CPA6: variants seen among roughly 807,000 people sequenced by gnomAD.
CPA6 encodes the protein carboxypeptidase B.
CPA6 carries 58 observed loss-of-function variants against 63.3 expected under a neutral mutation model. The observed-to-expected ratio is 0.92, with a 90% CI of 0.74 to 1.14. The LOEUF (loss-of-function observed/expected upper bound fraction) is 1.14. CPA6 is among the 50% of genes most tolerant of loss of function. The pLI, the probability that CPA6 is intolerant of heterozygous loss-of-function variation, is 0.00. For missense variants in CPA6, 565 were observed against 526.6 expected (o/e 1.07, Z -0.71); for synonymous variants, 185 against 179.0 (o/e 1.03, Z -0.27).
chr8:67,486,787 CAA>C (rs1811487239), intron 6 of CPA6, among the ~76,000 whole-genome samples: 1 of 152,044 alleles, frequency 6.6e-6, no homozygotes, highest in Admixed American at 6.5e-5. Context: ...AAATATAAAA[CAA>C]AGATACACTA....
intron 1 of CPA6, among the ~76,000 whole-genome samples, chr8:67,739,445 C>T (rs1289114073): frequency 1.3e-5 from 2 of 152,214 alleles, no homozygotes; most frequent in Non-Finnish European, 2.9e-5. Context: ...CCATTAACTA[C>T]ACACTAACTT....
At chr8:67,568,402 T>A (rs1437771212) in intron 2 of CPA6, among the ~76,000 whole-genome samples, 1 of 151,948 alleles carries the variant, frequency 6.6e-6, no homozygotes, top group African/African-American at 2.4e-5. Flanking sequence ...AATATACAGA[T>A]AAAAAATTAA....
At chr8:67,741,124 G>T (rs942331350) in intron 1 of CPA6, among the ~76,000 whole-genome samples, 1 of 152,104 alleles carries the variant, frequency 6.6e-6, no homozygotes, top group Non-Finnish European at 1.5e-5. Context: ...AAGAAGAAGG[G>T]GGAAGAAACT....
chr8:67,609,909 C>T (rs1814759202), intron 2 of CPA6, among the ~76,000 whole-genome samples: 4 of 152,172 alleles, frequency 2.6e-5, no homozygotes, highest in Non-Finnish European at 4.4e-5. Context: ...GTAATCCCAG[C>T]TACTTGGGAG....
intron 2 of CPA6, among the ~76,000 whole-genome samples, chr8:67,559,295 G>T (rs2128974175): frequency 6.6e-6 from 1 of 152,118 alleles, no homozygotes; most frequent in Middle Eastern, 3.4e-3. Context: ...GATTTTCCAG[G>T]GATAGATTAA....
intron 2 of CPA6, among the ~76,000 whole-genome samples, chr8:67,547,615 C>T (rs1187517457): frequency 1.3e-5 from 2 of 151,914 alleles, no homozygotes; most frequent in Admixed American, 6.6e-5. Flanking sequence ...CCACCTCAGC[C>T]TCTGGAGTAG....
chr8:67,593,193 T>C (rs1331027917), intron 2 of CPA6, among the ~76,000 whole-genome samples: 4 of 150,812 alleles, frequency 2.7e-5, no homozygotes, highest in African/African-American at 9.8e-5. Context: ...AGTTGAGCGG[T>C]TTTGAGTGAG....
At chr8:67,642,617 G>C (rs1454352975) in intron 1 of CPA6, among the ~76,000 whole-genome samples, 1 of 152,158 alleles carries the variant, frequency 6.6e-6, no homozygotes, top group Non-Finnish European at 1.5e-5. Context: ...AATTAGGACT[G>C]TGGAACTGGC....
chr8:67,464,011 T>C (rs185843245), intron 8 of CPA6, among the ~76,000 whole-genome samples: 1 of 152,302 alleles, frequency 6.6e-6, no homozygotes, highest in Admixed American at 6.5e-5. Flanking sequence ...TAAAACCATT[T>C]GTTTTCTTTT....
chr8:67,715,586 A>G (rs1019806917), intron 1 of CPA6, among the ~76,000 whole-genome samples: 5 of 152,256 alleles, frequency 3.3e-5, no homozygotes, highest in Non-Finnish European at 4.4e-5. Flanking sequence ...ACAAGGAAAA[A>G]CACTCGGTTA....
intron 8 of CPA6, among the ~76,000 whole-genome samples, chr8:67,434,907 G>C (rs1810114177): frequency 6.6e-6 from 1 of 152,226 alleles, no homozygotes; most frequent in African/African-American, 2.4e-5. Context: ...ACAGATCCTG[G>C]CCTGAGGGGT....
intron 1 of CPA6, among the ~76,000 whole-genome samples, chr8:67,651,579 A>G (rs1403012116): frequency 6.6e-6 from 1 of 152,090 alleles, no homozygotes; most frequent in Non-Finnish European, 1.5e-5. Flanking sequence ...TGAATCATGT[A>G]TTCACAAGAA....
intron 1 of CPA6, among the ~76,000 whole-genome samples, chr8:67,725,361 T>C (rs1238607554): frequency 2.6e-5 from 4 of 152,150 alleles, no homozygotes; most frequent in Non-Finnish European, 5.9e-5. Context: ...AACAAATAAA[T>C]GAATATAGGC....
At chr8:67,513,246 G>A (rs1038743020) in intron 3 of CPA6, among the ~76,000 whole-genome samples, 2 of 152,126 alleles carry the variant, frequency 1.3e-5, no homozygotes, top group African/African-American at 4.8e-5. Flanking sequence ...GATTAGGCTT[G>A]TATGGGCTAA....
intron 8 of CPA6, among the ~76,000 whole-genome samples, chr8:67,460,583 T>A (rs1810778270): frequency 6.6e-6 from 1 of 152,222 alleles, no homozygotes. Context: ...AGCGCTAGCT[T>A]ATTTCTTAAT....
At chr8:67,522,265 T>A (rs1452528368) in intron 2 of CPA6, among the ~76,000 whole-genome samples, 1 of 152,162 alleles carries the variant, frequency 6.6e-6, no homozygotes, top group African/African-American at 2.4e-5. Flanking sequence ...GGCTACCCAC[T>A]TTCAGGCCCC....
intron 6 of CPA6, among the ~76,000 whole-genome samples, chr8:67,487,216 C>T (rs1811498836): frequency 6.6e-6 from 1 of 152,128 alleles, no homozygotes; most frequent in Non-Finnish European, 1.5e-5. Flanking sequence ...ACCCCCACCT[C>T]AAGAAAGGTC....
chr8:67,538,436 G>T (rs1482929194), intron 2 of CPA6, among the ~76,000 whole-genome samples: 2 of 151,186 alleles, frequency 1.3e-5, no homozygotes, highest in Admixed American at 6.6e-5. Context: ...TTATCATTAC[G>T]TGATGCCCAT....
chr8:67,697,997 A>G (rs1467452556), intron 1 of CPA6, among the ~76,000 whole-genome samples: 3 of 152,258 alleles, frequency 2.0e-5, no homozygotes, highest in Non-Finnish European at 4.4e-5. Flanking sequence ...TGACTATATC[A>G]GAAGTATCAG....
Sources: gnomAD v4.1 joint callset for allele counts (sites outside exome capture counted in the v4.1 genomes callset) on GRCh38, gnomAD v4.1.1 for gene constraint, MANE v1.5 for transcripts, NCBI Gene and HGNC (gene_info 2026-07-23, HGNC 2026-07-21) for gene names.